ZCCHC7: variants seen among roughly 807,000 people sequenced by gnomAD.
ZCCHC7 encodes zinc finger CCHC-type containing 7.
In ZCCHC7, 35 loss-of-function variants were observed where a neutral mutation model predicts 52.0. The observed-to-expected ratio is 0.67, with a 90% CI of 0.51 to 0.89. The LOEUF (loss-of-function observed/expected upper bound fraction) is 0.89, where lower values mean the gene tolerates loss of function less well. ZCCHC7 is among the 40% of genes least tolerant of loss of function. The probability of loss-of-function intolerance (pLI) is 0.00; values close to 1 mark genes in which losing one functional copy is unlikely to be tolerated. For synonymous variants in ZCCHC7, 217 were observed against 221.5 expected (o/e 0.98, Z 0.18); for missense variants, 574 against 649.1 (o/e 0.88, Z 1.26).
chr9:37,343,100 C>G lies in ZCCHC7; in HGVS notation c.988-6257C>G, dbSNP rs1820743765. Among the ~76,000 whole-genome samples the G allele has an allele frequency of 3.9e-5, 6 of 152,316 alleles. No homozygotes were observed. The South Asian group carries it at 1.2e-3, about 32-fold the overall frequency. ...GTACTGTCTCTGTGAACACGAGAATCTCGTAACAGTAATTGCCGTTGAGGA... is the reference window on the plus strand; with the variant it reads ...GTACTGTCTCTGTGAACACGAGAATGTCGTAACAGTAATTGCCGTTGAGGA... On this transcript the variant is annotated intron_variant, in intron 6 of 8. Transcript: ENST00000336755.
intron 2 of ZCCHC7, among the ~76,000 whole-genome samples, chr9:37,207,521 TGTGTTCAAGACTAAAA>T (rs1823986352): frequency 6.7e-6 from 1 of 150,054 alleles, no homozygotes; most frequent in Admixed American, 6.6e-5. Flanking sequence ...TTTTTTGCCT[TGTGTTCAAGACTAAAA>T]CTTTTTTCTT....
intron 8 of ZCCHC7, 36 bp from the exon 9 acceptor site, chr9:37,356,799 C>T (rs757022173): frequency 6.5e-7 from 1 of 1,539,780 alleles, no homozygotes; most frequent in Non-Finnish European, 8.7e-7. Flanking sequence ...GACTGTTTAG[C>T]TGCTGAATAT....
At chr9:37,175,895 A>G (rs1193307945) in intron 2 of ZCCHC7, among the ~76,000 whole-genome samples, 2 of 152,212 alleles carry the variant, frequency 1.3e-5, no homozygotes, top group African/African-American at 4.8e-5. Flanking sequence ...ATAAATTAAA[A>G]TAATTTCTTA....
chr9:37,269,586 TC>T (rs2133492050), intron 2 of ZCCHC7, among the ~76,000 whole-genome samples: 1 of 117,102 alleles, frequency 8.5e-6, no homozygotes, highest in South Asian at 2.9e-4. Flanking sequence ...ACCACTGCAT[TC>T]CAACCTGAGC....
chr9:37,241,503 C>T (rs1217613138), intron 2 of ZCCHC7, among the ~76,000 whole-genome samples: 3 of 151,798 alleles, frequency 2.0e-5, no homozygotes, highest in Non-Finnish European at 3.0e-5. Flanking sequence ...AAAAGAAAAT[C>T]TCCAATTTCC....
intron 6 of ZCCHC7, among the ~76,000 whole-genome samples, chr9:37,329,608 T>C (rs986063686): frequency 6.6e-6 from 1 of 151,894 alleles, no homozygotes; most frequent in Non-Finnish European, 1.5e-5. Flanking sequence ...GTTTATGAAC[T>C]TGTGCATATA....
intron 2 of ZCCHC7, among the ~76,000 whole-genome samples, chr9:37,142,755 A>T (rs1387897440): frequency 6.6e-6 from 1 of 151,710 alleles, no homozygotes; most frequent in African/African-American, 2.4e-5. Flanking sequence ...TAAAAGGTGT[A>T]TTGTAATTTT....
At chr9:37,125,407 C>A (rs1244589671) in intron 1 of ZCCHC7, among the ~76,000 whole-genome samples, 2 of 152,226 alleles carry the variant, frequency 1.3e-5, no homozygotes, top group African/African-American at 4.8e-5. Context: ...GATCCTCCTG[C>A]CTTGGCCTCC....
At chr9:37,162,344 C>G (rs1821152446) in intron 2 of ZCCHC7, among the ~76,000 whole-genome samples, 2 of 152,060 alleles carry the variant, frequency 1.3e-5, no homozygotes, top group South Asian at 4.1e-4. Context: ...TGAACATAAC[C>G]TAAATCTCCA....
intron 6 of ZCCHC7, among the ~76,000 whole-genome samples, chr9:37,336,231 A>C (rs2118361101): frequency 6.6e-6 from 1 of 152,314 alleles, no homozygotes; most frequent in South Asian, 2.1e-4. Context: ...GCAGACTTCC[A>C]GCTGTATTCT....
intron 1 of ZCCHC7, 138 bp from the exon 2 acceptor site, chr9:37,126,174 A>C: frequency 2.2e-6 from 2 of 900,408 alleles, no homozygotes; most frequent in Non-Finnish European, 3.3e-6. Flanking sequence ...AATCCTTGGA[A>C]AAAAAGGTAT....
intron 5 of ZCCHC7, among the ~76,000 whole-genome samples, chr9:37,308,525 A>T (rs1160830167): frequency 1.3e-5 from 2 of 152,194 alleles, no homozygotes; most frequent in Non-Finnish European, 2.9e-5. Flanking sequence ...TCTATAGGCC[A>T]TTCCTCTTAA....
chr9:37,201,022 G>GTGT (rs1823602513), intron 2 of ZCCHC7, among the ~76,000 whole-genome samples: 1 of 152,228 alleles, frequency 6.6e-6, no homozygotes, highest in South Asian at 2.1e-4. Flanking sequence ...AAACTCTCCT[G>GTGT]TGTAACAGGG....
intron 2 of ZCCHC7, among the ~76,000 whole-genome samples, chr9:37,194,461 T>G (rs1309462111): frequency 6.6e-6 from 1 of 152,088 alleles, no homozygotes; most frequent in East Asian, 1.9e-4. Context: ...ATGGAATTAT[T>G]TGGAGTAATG....
At chr9:37,320,298 G>A (rs762024930) in intron 5 of ZCCHC7, among the ~76,000 whole-genome samples, 14 of 152,112 alleles carry the variant, frequency 9.2e-5, no homozygotes, top group Non-Finnish European at 1.9e-4. Flanking sequence ...GGCTGGTCTC[G>A]AACTCCTAAC....
intron 2 of ZCCHC7, among the ~76,000 whole-genome samples, chr9:37,174,253 G>T (rs1314313317): frequency 6.6e-6 from 1 of 152,126 alleles, no homozygotes; most frequent in African/African-American, 2.4e-5. Flanking sequence ...AGGTTGCGGT[G>T]AGCTGAGATC....
chr9:37,175,985 A>C (rs1411731795), intron 2 of ZCCHC7, among the ~76,000 whole-genome samples: 2 of 152,204 alleles, frequency 1.3e-5, no homozygotes, highest in Non-Finnish European at 2.9e-5. Flanking sequence ...GAACAACAAG[A>C]AATTAGTGTA....
intron 2 of ZCCHC7, among the ~76,000 whole-genome samples, chr9:37,146,720 CTT>C (rs1564140934): frequency 6.6e-6 from 1 of 151,788 alleles, no homozygotes; most frequent in Non-Finnish European, 1.5e-5. Context: ...AGAGAGAAGT[CTT>C]TAATGTGCTT....
At chr9:37,142,385 T>A (rs1466360115) in intron 2 of ZCCHC7, among the ~76,000 whole-genome samples, 1 of 151,818 alleles carries the variant, frequency 6.6e-6, no homozygotes, top group African/African-American at 2.4e-5. Flanking sequence ...GCAAGCCTTC[T>A]TTCTGTGTCT....
Sources: allele counts gnomAD v4.1 joint callset (sites outside exome capture counted in the v4.1 genomes callset), GRCh38; gene constraint gnomAD v4.1.1; transcripts MANE v1.5; gene names NCBI Gene and HGNC (gene_info 2026-07-23, HGNC 2026-07-21).